The following RASSF5 variants were observed in gnomAD, a reference collection of about 807,000 sequenced individuals.
RASSF5 encodes ras association domain-containing protein 5.
A neutral mutation model predicts 40.5 loss-of-function variants in RASSF5; 25 were observed. The ratio of observed to expected loss-of-function variants is 0.62; its 90% confidence interval spans 0.45 to 0.86. The LOEUF (loss-of-function observed/expected upper bound fraction) is 0.86, where lower values mean the gene tolerates loss of function less well. Among genes scored for constraint, RASSF5 ranks in the 40% least tolerant of loss-of-function variants. RASSF5 has a pLI of 0.00. For missense variants in RASSF5, 521 were observed against 572.8 expected (o/e 0.91, Z 0.92); for synonymous variants, 246 against 252.4 (o/e 0.97, Z 0.24).
intron 2 of RASSF5, among the ~76,000 whole-genome samples, chr1:206,575,747 A>G (rs1386467398): frequency 1.8e-4 from 27 of 152,216 alleles, no homozygotes; most frequent in African/African-American, 6.3e-4. Context: ...GATTTCACAG[A>G]TAAGGAAACT....
At chr1:206,553,914 T>C (rs1483560667) in intron 2 of RASSF5, among the ~76,000 whole-genome samples, 1 of 152,254 alleles carries the variant, frequency 6.6e-6, no homozygotes, top group Non-Finnish European at 1.5e-5. Flanking sequence ...AATTGATATC[T>C]GGCTCCACCA....
intron 1 of RASSF5, among the ~76,000 whole-genome samples, chr1:206,532,082 G>A (rs1169641091): frequency 6.6e-6 from 1 of 151,950 alleles, no homozygotes; most frequent in Non-Finnish European, 1.5e-5. Context: ...TTGGTAAATT[G>A]TAATTTTCCA....
chr1:206,553,207 A>AT (rs1433702115), intron 2 of RASSF5, among the ~76,000 whole-genome samples: 2 of 152,210 alleles, frequency 1.3e-5, no homozygotes, highest in East Asian at 3.8e-4. Flanking sequence ...GTCAAAAAAA[A>AT]CAAAAAACAA....
intron 2 of RASSF5, among the ~76,000 whole-genome samples, chr1:206,569,780 G>C (rs1457139751): frequency 1.3e-5 from 2 of 152,284 alleles, no homozygotes; most frequent in African/African-American, 4.8e-5. Flanking sequence ...AGGCATGCCC[G>C]CTACGACTGC....
At chr1:206,526,621 A>G (rs1440719910) in intron 1 of RASSF5, among the ~76,000 whole-genome samples, 2 of 152,242 alleles carry the variant, frequency 1.3e-5, no homozygotes, top group South Asian at 2.1e-4. Flanking sequence ...TGACTATCAC[A>G]GTCTCTCCGC....
intron 2 of RASSF5, among the ~76,000 whole-genome samples, chr1:206,549,270 T>G (rs1168682800): frequency 6.6e-6 from 1 of 152,146 alleles, no homozygotes; most frequent in Non-Finnish European, 1.5e-5. Flanking sequence ...ATATTTCCCA[T>G]CAAAGGCATT....
chr1:206,523,396 A>G (rs1666959914), intron 1 of RASSF5, among the ~76,000 whole-genome samples: 1 of 111,488 alleles, frequency 9.0e-6, no homozygotes, highest in South Asian at 2.5e-4. Context: ...TAAATTTAAT[A>G]TAAATATAAA....
At chr1:206,519,258 T>C (rs58339772) in intron 1 of RASSF5, among the ~76,000 whole-genome samples, 1,884 of 152,332 alleles carry the variant, frequency 0.012, 48 homozygotes, top group African/African-American at 0.043. Flanking sequence ...GAAAGGAAGC[T>C]GGGACCAACA....
At chr1:206,546,393 G>A (rs782440654) in intron 2 of RASSF5, among the ~76,000 whole-genome samples, 2 of 151,994 alleles carry the variant, frequency 1.3e-5, no homozygotes, top group African/African-American at 4.8e-5. Context: ...TTATGGGTAT[G>A]AGCTACCGCA....
At position 206,508,075 on chromosome 1, in the gene RASSF5, G is replaced by A. The variant is rs782266089; in HGVS notation, c.457+16G>A. 1 of 1,364,964 alleles carries A rather than the reference G, an allele frequency of 7.3e-7. No individual in the cohort carries two copies. Among genetic ancestry groups the A allele is most frequent in the Admixed American group, 3.3e-5 (1 of 30,152 alleles). The allele number at this position is 1,364,964 out of a possible 1,614,324, so 84.6% of individuals were successfully genotyped here. ...CGCTGCACTAGTAAGTGTGAAGGCAGGGGAGGGGCGTGCGGGGAGACCGCA... is the reference window on the plus strand; with the variant it reads ...CGCTGCACTAGTAAGTGTGAAGGCAAGGGAGGGGCGTGCGGGGAGACCGCA... On this transcript the variant is annotated intron_variant, in intron 1 of 5. Coordinates refer to ENST00000579436, the MANE Select transcript of RASSF5 (RefSeq NM_182663.4).
intron 3 of RASSF5, chr1:206,583,773 G>A (rs7515123): frequency 0.025 from 5,098 of 206,562 alleles, 279 homozygotes; most frequent in African/African-American, 0.11. Flanking sequence ...TACTCTCTCA[G>A]AGAGGGGAGG....
chr1:206,577,671 G>A (rs188620218), intron 2 of RASSF5, among the ~76,000 whole-genome samples: 1 of 152,210 alleles, frequency 6.6e-6, no homozygotes, highest in Admixed American at 6.5e-5. Context: ...GACAAGACAG[G>A]CGTGGGTGCT....
Position 206,584,575 on chromosome 1 carries a change from C to T in RASSF5, c.879C>T (p.Ser293=), listed in dbSNP as rs1553407136. 6.2e-7 allele frequency: 1 copy of T among 1,614,224 alleles called. No homozygotes were observed. Among genetic ancestry groups the T allele is most frequent in the Non-Finnish European group, 8.5e-7 (1 of 1,180,042 alleles). Reference sequence around the variant, plus strand: ...ATGCCATCAAGCAGCTGCACATCAGCAGCACCACCACCGTCAGTGAGGTCA... The same window carrying T: ...ATGCCATCAAGCAGCTGCACATCAGTAGCACCACCACCGTCAGTGAGGTCA... ...PLDAIKQLHI[S]STTTVSEVIQ... Residue 293 remains serine (S), a synonymous_variant, in exon 4 of 6, where the codon AGC becomes AGT. Coordinates refer to ENST00000579436, the MANE Select transcript of RASSF5 (RefSeq NM_182663.4). The surrounding 1 kb of genome is among the most constrained non-coding windows in gnomAD (Gnocchi z 4.9).
intron 1 of RASSF5, among the ~76,000 whole-genome samples, chr1:206,528,319 G>T (rs1286265387): frequency 1.3e-5 from 2 of 151,994 alleles, no homozygotes; most frequent in African/African-American, 4.8e-5. Flanking sequence ...AATTGGCTAC[G>T]TATCTTATGA....
At chr1:206,538,747 A>G (rs1345494376) in intron 2 of RASSF5, among the ~76,000 whole-genome samples, 3 of 152,222 alleles carry the variant, frequency 2.0e-5, no homozygotes, top group Admixed American at 1.3e-4. Flanking sequence ...TTGATGTCCA[A>G]AGCAGCTTTT....
At position 206,540,296 on chromosome 1, in the gene RASSF5, G is replaced by A. The variant is rs558742884; in HGVS notation, c.579+2003G>A. Among the ~76,000 whole-genome samples the A allele has an allele frequency of 6.6e-5, 10 of 152,362 alleles. No individual in the cohort carries two copies. In the South Asian group the frequency reaches 1.4e-3, roughly 22 times the overall value. On this transcript the variant is annotated intron_variant, in intron 2 of 5. Transcript: ENST00000579436. The stretch of plus-strand genomic sequence containing the variant: ...AGGCCTGGAGTTGGCTGGATTCGTT[G>A]TCTCATCCTCCAAATGTCAGCAGTG...
intron 1 of RASSF5, among the ~76,000 whole-genome samples, chr1:206,530,750 T>G (rs966475541): frequency 1.9e-4 from 29 of 152,214 alleles, no homozygotes; most frequent in African/African-American, 6.8e-4. Flanking sequence ...TTACAGACTC[T>G]AAGCAAGTAC....
intron 1 of RASSF5, among the ~76,000 whole-genome samples, chr1:206,518,749 A>G (rs1237035098): frequency 2.6e-5 from 4 of 152,090 alleles, no homozygotes; most frequent in Non-Finnish European, 4.4e-5. Flanking sequence ...AGCCAGATCC[A>G]AAGGACATGG....
chr1:206,507,791 G>T lies in RASSF5; in HGVS notation c.189G>T (p.Arg63=), dbSNP rs542087290. 1.6e-5 allele frequency: 22 copies of T among 1,391,144 alleles called. No individual in the cohort carries two copies. In the African/African-American group the frequency reaches 3.1e-4, roughly 19 times the overall value. The allele number at this position is 1,391,144 out of a possible 1,614,324, so 86.2% of individuals were successfully genotyped here. ...GGGCGCGCGAGGGGCGCAGCGCCCGGAGGGCTGCCCGGGGGAACCTGGAGC... is the reference window on the plus strand; with the variant it reads ...GGGCGCGCGAGGGGCGCAGCGCCCGTAGGGCTGCCCGGGGGAACCTGGAGC... ...APGAREGRSA[R]RAARGNLEPP... The change falls in exon 1 of 6, where the codon CGG becomes CGT. Residue 63 remains arginine, a synonymous_variant. Coordinates refer to ENST00000579436, the MANE Select transcript of RASSF5 (RefSeq NM_182663.4).
Sources: allele counts gnomAD v4.1 joint callset (sites outside exome capture counted in the v4.1 genomes callset), GRCh38; gene constraint gnomAD v4.1.1; non-coding constraint Gnocchi (gnomAD v3.1); transcripts MANE v1.5; gene names NCBI Gene and HGNC (gene_info 2026-07-23, HGNC 2026-07-21).